SPATA13: variants seen among roughly 807,000 people sequenced by gnomAD.
SPATA13 encodes spermatogenesis associated 13.
A neutral mutation model predicts 104.0 loss-of-function variants in SPATA13; 50 were observed. The observed-to-expected ratio is 0.48, with a 90% CI of 0.38 to 0.61. SPATA13 has a LOEUF of 0.61. Among genes scored for constraint, SPATA13 ranks in the 20% least tolerant of loss-of-function variants. The probability of loss-of-function intolerance (pLI) is 0.00; values close to 1 mark genes in which losing one functional copy is unlikely to be tolerated. For missense variants in SPATA13, 1,524 were observed against 1,690.6 expected, an observed-to-expected ratio of 0.90 and a Z score of 1.73; for synonymous variants, 606 against 667.5, an observed-to-expected ratio of 0.91 and a Z score of 1.42.
chr13:24,283,762 T>C (rs1875720029), intron 4 of SPATA13, among the ~76,000 whole-genome samples: 1 of 152,240 alleles, frequency 6.6e-6, no homozygotes, highest in Non-Finnish European at 1.5e-5. Context: ...TTGGATCATC[T>C]TTTTCATCTT....
At chr13:24,017,804 A>G (rs1876785407) in intron 3 of SPATA13, 1 of 586,420 alleles carries the variant, frequency 1.7e-6, no homozygotes, top group Non-Finnish European at 2.1e-6. Context: ...TTAACTCCGT[A>G]ATCCATATGT....
At chr13:24,184,619 G>A (rs1274633226) in intron 1 of SPATA13, among the ~76,000 whole-genome samples, 1 of 152,032 alleles carries the variant, frequency 6.6e-6, no homozygotes, top group Admixed American at 6.5e-5. Context: ...TTAATGCTGG[G>A]CAACAGCATG....
chr13:23,980,179 C>T (rs1326165378), intron 1 of SPATA13, among the ~76,000 whole-genome samples: 2 of 151,702 alleles, frequency 1.3e-5, no homozygotes, highest in Admixed American at 6.6e-5. Flanking sequence ...AGCGAGACTC[C>T]GTCTCAAAAA....
intron 2 of SPATA13, among the ~76,000 whole-genome samples, chr13:24,246,523 C>T (rs572584612): frequency 3.9e-4 from 60 of 152,098 alleles, no homozygotes; most frequent in African/African-American, 1.3e-3. Flanking sequence ...CACATGCCTG[C>T]GTTTGTGCGT....
chr13:24,121,945 T>A, intron 3 of SPATA13: 1 of 704,960 alleles, frequency 1.4e-6, no homozygotes, highest in Non-Finnish European at 2.5e-6. Context: ...GGTTGTTGTT[T>A]CTTTTGTCCA....
At chr13:24,225,250 T>A (rs1235187061) in intron 2 of SPATA13, among the ~76,000 whole-genome samples, 2 of 152,250 alleles carry the variant, frequency 1.3e-5, no homozygotes, top group Non-Finnish European at 2.9e-5. Context: ...GTCCAGCCTC[T>A]GCACACAGCC....
rs145773006 is a variant in SPATA13, at chr13:24,298,729, T to C, written c.3583+994T>C. Among the ~76,000 whole-genome samples the C allele has an allele frequency of 1.9e-3, 296 of 152,098 alleles. 1 individual carries two copies. Among genetic ancestry groups the C allele is most frequent in the African/African-American group, 7.0e-3 (289 of 41,484 alleles). Reference sequence around the variant, plus strand: ...GACAGCAGGACTAAAAACCAGGAGGTGCTTTTTCTGTCCTCCCCAGCCACT... The same window carrying C: ...GACAGCAGGACTAAAAACCAGGAGGCGCTTTTTCTGTCCTCCCCAGCCACT... On this transcript the variant is annotated intron_variant, in intron 11 of 12. Transcript: ENST00000382108.
intron 2 of SPATA13, among the ~76,000 whole-genome samples, chr13:24,000,054 A>G (rs965112309): frequency 6.6e-6 from 1 of 152,232 alleles, no homozygotes; most frequent in Non-Finnish European, 1.5e-5. Flanking sequence ...CAATATGCAT[A>G]TTAAAACCAC....
rs1415903324 is a variant in SPATA13, at chr13:24,251,785, G to A, written c.2087G>A (p.Arg696Gln). 1.1e-5 allele frequency: 17 copies of A among 1,614,022 alleles called. No individual in the cohort carries two copies. Among genetic ancestry groups the A allele is most frequent in the Non-Finnish European group, 1.4e-5 (17 of 1,180,018 alleles). The change falls in exon 4 of 13, where the codon CGG (arginine) becomes CAG (glutamine). Residue 696 changes from arginine to glutamine, a missense_variant. Arg to Gln is a conservative substitution (Grantham distance 43). Around this residue, in one of 2 missense-constraint regions of SPATA13, gnomAD observed 1,089 missense variants for 1,135.9 expected, o/e 0.96. Transcript: ENST00000382108. Reference sequence around the variant, plus strand: ...TACAAGGCTGTGTCGGCCCGGTTCCGGCCCTTCACATTCTCCCAGAGCACC... The same window carrying A: ...TACAAGGCTGTGTCGGCCCGGTTCCAGCCCTTCACATTCTCCCAGAGCACC... ...PPYKAVSARF[R>Q]PFTFSQSTPI...
At chr13:24,232,411 A>C (rs1049275916) in intron 2 of SPATA13, among the ~76,000 whole-genome samples, 1 of 152,182 alleles carries the variant, frequency 6.6e-6, no homozygotes, top group Non-Finnish European at 1.5e-5. Flanking sequence ...TTCTGGAAAC[A>C]CCCTCACAAA....
chr13:24,052,124 C>T (rs919688240), intron 3 of SPATA13, among the ~76,000 whole-genome samples: 2 of 152,204 alleles, frequency 1.3e-5, no homozygotes, highest in East Asian at 1.9e-4. Context: ...CTGTGCTTAA[C>T]GCAATTCCAA....
chr13:24,284,298 G>T, intron 5 of SPATA13, 27 bp downstream of exon 5: 1 of 1,594,774 alleles, frequency 6.3e-7, no homozygotes, highest in South Asian at 1.1e-5. Flanking sequence ...CGACAGTAGT[G>T]GATACGGGAT....
intron 2 of SPATA13, among the ~76,000 whole-genome samples, chr13:24,236,791 G>T (rs113550673): frequency 0.016 from 2,361 of 152,144 alleles, 72 homozygotes; most frequent in African/African-American, 0.054. Context: ...TTGCTGGTGG[G>T]AAAATAAAAT....
At chr13:24,135,567 A>G (rs1325030486) in intron 3 of SPATA13, among the ~76,000 whole-genome samples, 3 of 151,972 alleles carry the variant, frequency 2.0e-5, no homozygotes, top group Non-Finnish European at 2.9e-5. Flanking sequence ...GCATGGTGGC[A>G]GGCGCCTGTA....
chr13:24,128,670 G>A (rs186951959), intron 3 of SPATA13, among the ~76,000 whole-genome samples: 120 of 151,386 alleles, frequency 7.9e-4, no homozygotes, highest in Admixed American at 1.5e-3. Context: ...CAGGACTCCC[G>A]GGAGCAAGAG....
At chr13:24,113,465 G>A (rs1008774793) in intron 3 of SPATA13, among the ~76,000 whole-genome samples, 17 of 152,034 alleles carry the variant, frequency 1.1e-4, no homozygotes, top group African/African-American at 3.9e-4. Context: ...TTAGCCAAGC[G>A]TGGTGGCATG....
chr13:24,238,884 C>T (rs1202538545), intron 2 of SPATA13, among the ~76,000 whole-genome samples: 1 of 152,086 alleles, frequency 6.6e-6, no homozygotes, highest in Non-Finnish European at 1.5e-5. Context: ...TCTTGTATTC[C>T]TCAGTGAAAA....
chr13:24,152,001 T>C (rs1882112737), intron 3 of SPATA13, among the ~76,000 whole-genome samples: 2 of 152,342 alleles, frequency 1.3e-5, no homozygotes, highest in East Asian at 3.9e-4. Context: ...CCTGGTTTTC[T>C]AAAGGTGGCA....
chr13:24,013,648 C>T (rs1476876812), intron 2 of SPATA13, among the ~76,000 whole-genome samples: 13 of 151,860 alleles, frequency 8.6e-5, no homozygotes, highest in Admixed American at 7.2e-4. Context: ...CTACACCCAT[C>T]GCTTTCATTC....
Sources: gnomAD v4.1 joint callset for allele counts (sites outside exome capture counted in the v4.1 genomes callset) on GRCh38, gnomAD v4.1.1 for gene constraint, gnomAD v4.1.1 regional missense constraint, MANE v1.5 for transcripts, NCBI Gene and HGNC (gene_info 2026-07-23, HGNC 2026-07-21) for gene names.